TMTC3: variants seen among roughly 807,000 people sequenced by gnomAD.
TMTC3 encodes protein O-mannosyl-transferase TMTC3.
A neutral mutation model predicts 92.2 loss-of-function variants in TMTC3; 52 were observed. That is an observed-to-expected ratio of 0.56 (90% CI 0.45 to 0.71). The LOEUF (loss-of-function observed/expected upper bound fraction) is 0.71. Among genes scored for constraint, TMTC3 ranks in the 30% least tolerant of loss-of-function variants. The pLI, the probability that TMTC3 is intolerant of heterozygous loss-of-function variation, is 0.00. For synonymous variants in TMTC3, 339 were observed against 363.3 expected, an observed-to-expected ratio of 0.93 and a Z score of 0.76; for missense variants, 896 against 1,057.1, an observed-to-expected ratio of 0.85 and a Z score of 2.11.
intron 11 of TMTC3, 93 bp downstream of exon 11, chr12:88,189,039 G>T: frequency 2.9e-6 from 2 of 699,736 alleles, no homozygotes; most frequent in East Asian, 3.0e-5. Flanking sequence ...CTTTTCTTCA[G>T]TTAGTTGATA....
chr12:88,183,706 G>C (rs529751713), intron 10 of TMTC3, among the ~76,000 whole-genome samples: 1 of 152,242 alleles, frequency 6.6e-6, no homozygotes, highest in African/African-American at 2.4e-5. Context: ...ATGATGTTAA[G>C]ATTTCTCCAC....
chr12:88,195,697 C>T lies in TMTC3; in HGVS notation c.*48C>T, dbSNP rs1201131349. On this transcript the variant is annotated 3_prime_UTR_variant, in exon 14 of 14. Coordinates refer to ENST00000266712, the MANE Select transcript of TMTC3 (RefSeq NM_181783.4). ...GGTATCAAAGAACATCAATCCGTAT[C>T]ATGTGATTGCTTTTACTGGGAGCTT... The T allele has an allele frequency of 6.8e-7, 1 of 1,470,690 alleles. No individual in the cohort carries two copies. The highest frequency in any genetic ancestry group is 1.4e-5 in the African/African-American group (1 of 70,670). 91.1% of individuals were successfully genotyped at this position (1,470,690 alleles called of 1,614,324 possible).
intron 6 of TMTC3, 57 bp downstream of exon 6, chr12:88,160,908 T>C: frequency 1.4e-6 from 2 of 1,463,390 alleles, no homozygotes; most frequent in Admixed American, 4.5e-5. Flanking sequence ...TGGATTTTAA[T>C]GATCATAAAT....
At chr12:88,177,262 G>T (rs1409560163) in intron 10 of TMTC3, among the ~76,000 whole-genome samples, 1 of 151,646 alleles carries the variant, frequency 6.6e-6, no homozygotes, top group African/African-American at 2.4e-5. Context: ...GGAGGCAGAG[G>T]TTGCAGTGAG....
At chr12:88,164,362 C>A (rs1245029937) in intron 6 of TMTC3, among the ~76,000 whole-genome samples, 1 of 151,990 alleles carries the variant, frequency 6.6e-6, no homozygotes, top group Non-Finnish European at 1.5e-5. Context: ...ATTCAGTATA[C>A]CACTGGGCTC....
At chr12:88,146,253 A>G (rs1225803243) in intron 1 of TMTC3, among the ~76,000 whole-genome samples, 1 of 152,098 alleles carries the variant, frequency 6.6e-6, no homozygotes, top group Non-Finnish European at 1.5e-5. Flanking sequence ...CCCTTGGGGA[A>G]TCTTAAAAAT....
chr12:88,180,044 C>A (rs1465669370), intron 10 of TMTC3, among the ~76,000 whole-genome samples: 2 of 152,188 alleles, frequency 1.3e-5, no homozygotes, highest in African/African-American at 2.4e-5. Context: ...CTTTTTCTTA[C>A]AACTTTTCCC....
At position 88,196,551 on chromosome 12, in the gene TMTC3, A is replaced by G. The variant is rs771437029; in HGVS notation, c.*902A>G. 1.3e-5 allele frequency: 2 copies of G among 151,808 alleles called. No individual in the cohort carries two copies. The highest frequency in any genetic ancestry group is 4.8e-5 in the African/African-American group (2 of 41,412). The allele number at this position is 151,808 out of a possible 1,614,324, so 9.4% of individuals were successfully genotyped here. A position where few individuals can be genotyped will look rare whatever the true frequency, so the allele number is the denominator to read the frequency against. On this transcript the variant is annotated 3_prime_UTR_variant, in exon 14 of 14. Transcript: ENST00000266712. ...CTCTGTAGTCTTAACCTGGATTTTA[A>G]TTTTTTTGTTTCCAAAGTCACAATT... is the stretch of plus-strand genomic sequence containing the variant.
intron 2 of TMTC3, among the ~76,000 whole-genome samples, chr12:88,150,204 A>G (rs2468228): frequency 0.88 from 134,071 of 152,164 alleles, 59,973 homozygotes; most frequent in East Asian, 0.99. Context: ...AAGGGGAAGC[A>G]GGAGCAGGCA....
chr12:88,194,792 AATTATTTT>A (rs774139219), intron 13 of TMTC3, 38 bp from the exon 14 acceptor site: 3 of 1,231,456 alleles, frequency 2.4e-6, no homozygotes, highest in Non-Finnish European at 3.2e-6. Flanking sequence ...CCTCACATTT[AATTATTTT>A]ATTAACAATA....
chr12:88,152,114 T>C (rs914603045), intron 2 of TMTC3, among the ~76,000 whole-genome samples: 2 of 152,176 alleles, frequency 1.3e-5, no homozygotes, highest in Non-Finnish European at 2.9e-5. Context: ...TTAGTCTGTT[T>C]TGCGTTAGTA....
At chr12:88,172,254 G>A (rs749664200) in intron 7 of TMTC3, among the ~76,000 whole-genome samples, 1 of 151,948 alleles carries the variant, frequency 6.6e-6, no homozygotes, top group Admixed American at 6.6e-5. Context: ...TTAAAATGCT[G>A]TAATGGTTTA....
intron 2 of TMTC3, among the ~76,000 whole-genome samples, chr12:88,151,480 G>A (rs1214222173): frequency 6.6e-6 from 1 of 151,928 alleles, no homozygotes; most frequent in Admixed American, 6.6e-5. Flanking sequence ...ATTCATAATG[G>A]CCCTAGGTGT....
intron 1 of TMTC3, among the ~76,000 whole-genome samples, chr12:88,146,611 G>GTATATATATA (rs1555231456): frequency 2.7e-5 from 4 of 147,880 alleles, no homozygotes; most frequent in African/African-American, 5.0e-5. Flanking sequence ...GTGTGTGTGT[G>GTATATATATA]TATATATATA....
chr12:88,150,990 C>T (rs567858335), intron 2 of TMTC3, among the ~76,000 whole-genome samples: 1 of 152,212 alleles, frequency 6.6e-6, no homozygotes, highest in South Asian at 2.1e-4. Flanking sequence ...ATTGATAATT[C>T]ATTGGATCTC....
intron 7 of TMTC3, among the ~76,000 whole-genome samples, chr12:88,172,388 A>G (rs2041213948): frequency 6.6e-6 from 1 of 151,886 alleles, no homozygotes; most frequent in Admixed American, 6.6e-5. Flanking sequence ...GCTTACGTAC[A>G]TCCTGATGTT....
At chr12:88,179,481 T>C (rs892829767) in intron 10 of TMTC3, among the ~76,000 whole-genome samples, 5 of 152,180 alleles carry the variant, frequency 3.3e-5, no homozygotes, top group African/African-American at 1.2e-4. Flanking sequence ...ATATAAGACT[T>C]AGGCCAGTTT....
chr12:88,198,099 T>C lies in TMTC3; in HGVS notation c.*2450T>C. On this transcript the variant is annotated 3_prime_UTR_variant, in exon 14 of 14. Coordinates refer to ENST00000266712, the MANE Select transcript of TMTC3 (RefSeq NM_181783.4). Reference sequence around the variant, plus strand: ...GCATTTATTACATGAAATTTAAGAGTTTAAGTTCCATCAAACTAGCCCTTG... The same window carrying C: ...GCATTTATTACATGAAATTTAAGAGCTTAAGTTCCATCAAACTAGCCCTTG... 2.6e-6 allele frequency: 1 copy of C among 382,092 alleles called. No homozygotes were observed. The highest frequency in any genetic ancestry group is 6.6e-4 in the Middle Eastern group (1 of 1,512). The allele number at this position is 382,092 out of a possible 1,614,324, so 23.7% of individuals were successfully genotyped here.
intron 10 of TMTC3, among the ~76,000 whole-genome samples, chr12:88,182,148 A>G (rs2041325232): frequency 6.6e-6 from 1 of 152,238 alleles, no homozygotes. Context: ...CTAGCTGGAT[A>G]TAGGGAGATA....
Sources: allele counts gnomAD v4.1 joint callset (sites outside exome capture counted in the v4.1 genomes callset), GRCh38; gene constraint gnomAD v4.1.1; transcripts MANE v1.5; gene names NCBI Gene and HGNC (gene_info 2026-07-23, HGNC 2026-07-21).